Variants in FREM2 observed in about 807,000 individuals in gnomAD.
FREM2 encodes the protein FRAS1-related extracellular matrix protein 2.
Under a neutral mutation model 219.9 loss-of-function variants are expected in FREM2, and 119 were observed. That is an observed-to-expected ratio of 0.54 (90% confidence interval 0.47 to 0.63). FREM2 has a LOEUF of 0.63. Ranked by LOEUF, FREM2 falls within the 30% of genes least tolerant of loss-of-function variation. The pLI is 0.00. For missense variants in FREM2, 4,030 were observed against 3,993.6 expected, an observed-to-expected ratio of 1.01 and a Z score of -0.25; for synonymous variants, 1,562 against 1,522.8, an observed-to-expected ratio of 1.03 and a Z score of -0.60.
chr13:38,789,933 C>T (rs1442242813), intron 6 of FREM2, among the ~76,000 whole-genome samples: 1 of 151,890 alleles, frequency 6.6e-6, no homozygotes, highest in Non-Finnish European at 1.5e-5. Context: ...TACTTCCTTG[C>T]ATATAATAAT....
intron 14 of FREM2, among the ~76,000 whole-genome samples, chr13:38,860,772 G>A (rs546587565): frequency 6.6e-5 from 10 of 152,248 alleles, no homozygotes; most frequent in South Asian, 6.2e-4. Flanking sequence ...AGGAAATACT[G>A]GAGAAAGAGT....
intron 15 of FREM2, among the ~76,000 whole-genome samples, chr13:38,863,912 A>G (rs540030795): frequency 1.2e-4 from 19 of 152,018 alleles, no homozygotes; most frequent in Non-Finnish European, 2.2e-4. Context: ...AGCTCACTGC[A>G]ACCTCTGCCT....
Position 38,690,624 on chromosome 13 carries a change from G to T in FREM2, c.3280G>T (p.Asp1094Tyr). 1.9e-6 allele frequency: 3 copies of T among 1,613,968 alleles called. No individual in the cohort carries two copies. Among genetic ancestry groups the T allele is most frequent in the Non-Finnish European group, 2.5e-6 (3 of 1,180,018 alleles). The change falls in exon 1 of 24, where the codon GAT becomes TAT. Residue 1094 changes from aspartate (D) to tyrosine (Y), a missense_variant. Transcript: ENST00000280481. ...AACATCAGTGCATATAAGTGCTGAAGATGTCGACTCCCTGAATGATGACAT... is the reference window on the plus strand; with the variant it reads ...AACATCAGTGCATATAAGTGCTGAATATGTCGACTCCCTGAATGATGACAT... ...VITSVHISAE[D>Y]VDSLNDDILC...
At chr13:38,714,709 A>G (rs151054684) in intron 2 of FREM2, among the ~76,000 whole-genome samples, 1 of 152,224 alleles carries the variant, frequency 6.6e-6, no homozygotes, top group Non-Finnish European at 1.5e-5. Context: ...GTCATTTCAC[A>G]ATGTATATAT....
chr13:38,689,884 T>C lies in FREM2; in HGVS notation c.2540T>C (p.Leu847Pro), dbSNP rs903906916. 14 of 1,614,090 alleles carry C rather than the reference T, an allele frequency of 8.7e-6. No individual in the cohort carries two copies. Among genetic ancestry groups the C allele is most frequent in the Non-Finnish European group, 1.2e-5 (14 of 1,180,044 alleles). The change falls in exon 1 of 24, where the codon CTG becomes CCG. Residue 847 changes from leucine to proline, a missense_variant. Physicochemically the swap from Leu to Pro is moderately conservative, Grantham distance 98. Coordinates refer to ENST00000280481, the MANE Select transcript of FREM2 (RefSeq NM_207361.6). ...FTIQEKGHHILSETELHVNDV... is the reference protein window; with the variant it reads ...FTIQEKGHHIPSETELHVNDV... Reference sequence around the variant, plus strand: ...ATTCAGGAGAAGGGTCACCACATCCTGAGTGAGACAGAGTTGCACGTGAAT... The same window carrying C: ...ATTCAGGAGAAGGGTCACCACATCCCGAGTGAGACAGAGTTGCACGTGAAT...
chr13:38,726,236 G>C (rs1871518813), intron 2 of FREM2, among the ~76,000 whole-genome samples: 1 of 152,136 alleles, frequency 6.6e-6, no homozygotes, highest in Non-Finnish European at 1.5e-5. Context: ...GCAGGCTCCT[G>C]GGTATAGGGC....
rs772023690 is a variant in FREM2, at chr13:38,691,578, G to A, written c.4234G>A (p.Val1412Met). ...TCCCCTCATAGATCGTTACTTTTAT[G>A]TGTCCATCGGGAGCATTGACATTGT... is the stretch of plus-strand genomic sequence containing the variant. ...INPLIDRYFYVSIGSIDIVFP... is the reference protein window; with the variant it reads ...INPLIDRYFYMSIGSIDIVFP... The change falls in exon 1 of 24, where the codon GTG (valine) becomes ATG (methionine). Residue 1412 changes from valine (V) to methionine (M), a missense_variant. Val to Met is a conservative substitution (Grantham distance 21, BLOSUM62 1). Transcript: ENST00000280481. The A allele has an allele frequency of 4.3e-6, 7 of 1,614,024 alleles. No individual in the cohort carries two copies. The highest frequency in any genetic ancestry group is 2.7e-5 in the African/African-American group (2 of 74,912).
In FREM2 at chr13:38,769,799, C is replaced by T. The variant is rs199564203; in HGVS notation, c.5632C>T (p.Pro1878Ser). The change falls in exon 4 of 24, where the codon CCA (proline) becomes TCA (serine). Residue 1878 changes from proline (P) to serine (S), a missense_variant. Physicochemically the swap from Pro to Ser is moderately conservative, Grantham distance 74. This residue lies in a region of FREM2 where 3,102 missense variants were observed against 2,950.7 expected (regional missense o/e 1.05). Transcript: ENST00000280481. Reference protein sequence around the residue: ...PTVATVEIVDPGDEPTVFIPQ... With the variant: ...PTVATVEIVDSGDEPTVFIPQ... ...AGTCGCCACTGTTGAGATCGTTGAT[C>T]CAGGAGATGGTAAGAGCCATCGTCA... The T allele has an allele frequency of 1.9e-6, 3 of 1,613,118 alleles. No homozygotes were observed. The East Asian group carries it at 6.7e-5, about 36-fold the overall frequency.
rs986928590 is a variant in FREM2 at position 38,856,068 on chromosome 13, T to C, written c.6926-58T>C. ...AGTAAAAAAAAAAAAAAAAAAAAAA[T>C]AGAAAACTTCTCATATTCATATGCA... On this transcript the variant is annotated intron_variant, in intron 11 of 23. Coordinates refer to ENST00000280481, the MANE Select transcript of FREM2 (RefSeq NM_207361.6). 5.5e-5 allele frequency: 47 copies of C among 848,326 alleles called. No homozygotes were observed. In the African/African-American group the frequency reaches 7.8e-4, roughly 14 times the overall value. The allele number at this position is 848,326 out of a possible 1,614,324, so 52.5% of individuals were successfully genotyped here.
chr13:38,712,146 G>A (rs1166438419), intron 2 of FREM2, among the ~76,000 whole-genome samples: 1 of 151,374 alleles, frequency 6.6e-6, no homozygotes, highest in Non-Finnish European at 1.5e-5. Context: ...CACCTGCCTC[G>A]GCCCCCCAAA....
At chr13:38,709,406 A>G (rs962752481) in intron 2 of FREM2, among the ~76,000 whole-genome samples, 1 of 152,178 alleles carries the variant, frequency 6.6e-6, no homozygotes, top group Admixed American at 6.6e-5. Flanking sequence ...CATTATGCCA[A>G]TTGTAAAATA....
chr13:38,874,941 A>G (rs1878292267), intron 18 of FREM2, among the ~76,000 whole-genome samples: 1 of 152,202 alleles, frequency 6.6e-6, no homozygotes, highest in Non-Finnish European at 1.5e-5. Flanking sequence ...TTCATTCAGC[A>G]AGCACTTCTC....
At chr13:38,790,040 T>C (rs1223412442) in intron 6 of FREM2, among the ~76,000 whole-genome samples, 1 of 152,160 alleles carries the variant, frequency 6.6e-6, no homozygotes, top group Non-Finnish European at 1.5e-5. Flanking sequence ...TTTGCTTTTA[T>C]ATTTGCTAGG....
rs561500643 is a variant in FREM2, at chr13:38,880,984, TC to T, written c.*199del. ...ATCAAAGGACAAATTAAGGCATCTT[TC>T]CTCTTGCCCCAAAGGCAGCAACAAC... On this transcript the variant is annotated 3_prime_UTR_variant, in exon 24 of 24. Coordinates refer to ENST00000280481, the MANE Select transcript of FREM2 (RefSeq NM_207361.6). 32 of 690,390 alleles carry T rather than the reference TC, an allele frequency of 4.6e-5. No homozygotes were observed. The highest frequency in any genetic ancestry group is 8.0e-5 in the Non-Finnish European group (32 of 401,156). 42.8% of individuals were successfully genotyped at this position (690,390 alleles called of 1,614,324 possible).
At chr13:38,859,682 C>A in intron 14 of FREM2, 92 bp downstream of exon 14, 1 of 1,149,906 alleles carries the variant, frequency 8.7e-7, no homozygotes, top group Non-Finnish European at 1.3e-6. Context: ...TCCAATGTCC[C>A]ACATATTCCA....
intron 4 of FREM2, among the ~76,000 whole-genome samples, chr13:38,772,458 G>A (rs1303436376): frequency 6.6e-6 from 1 of 152,138 alleles, no homozygotes; most frequent in Admixed American, 6.5e-5. Flanking sequence ...ACATATGTAA[G>A]TCTATGCTTT....
At chr13:38,694,537 T>C (rs1214285814) in intron 1 of FREM2, among the ~76,000 whole-genome samples, 3 of 152,220 alleles carry the variant, frequency 2.0e-5, no homozygotes, top group Admixed American at 2.0e-4. Flanking sequence ...GTGAAGACTA[T>C]GCAGTCCTTT....
At chr13:38,848,797 C>A in intron 8 of FREM2, 127 bp downstream of exon 8, 2 of 860,146 alleles carry the variant, frequency 2.3e-6, no homozygotes, top group Non-Finnish European at 3.6e-6. Flanking sequence ...AACAAAGTAG[C>A]ACTGTCGGGG....
rs537152975 is a variant in FREM2 at position 38,688,661 on chromosome 13, G to A, written c.1317G>A (p.Pro439=). The A allele has an allele frequency of 1.9e-6, 3 of 1,614,120 alleles. No homozygotes were observed. The highest frequency in any genetic ancestry group is 2.2e-5 in the East Asian group (1 of 44,860). The part of the protein sequence containing the change: ...VVVKPMNTMA[P]VVTRNTGLIL... ...TGAAGCCCATGAACACAATGGCTCC[G>A]GTGGTCACCCGGAATACCGGTCTTA... is the stretch of plus-strand genomic sequence containing the variant. Residue 439 remains proline, a synonymous_variant, in exon 1 of 24, where the codon CCG becomes CCA. Coordinates refer to ENST00000280481, the MANE Select transcript of FREM2 (RefSeq NM_207361.6).
Sources: gnomAD v4.1 joint callset for allele counts (sites outside exome capture counted in the v4.1 genomes callset) on GRCh38, gnomAD v4.1.1 for gene constraint, gnomAD v4.1.1 regional missense constraint, MANE v1.5 for transcripts, NCBI Gene and HGNC (gene_info 2026-07-23, HGNC 2026-07-21) for gene names.